SHISA9: variants seen among roughly 807,000 people sequenced by gnomAD.
The protein encoded by SHISA9 is shisa family member 9, also known as protein shisa-9.
A neutral mutation model predicts 38.0 loss-of-function variants in SHISA9; 13 were observed. The ratio of observed to expected loss-of-function variants is 0.34; its 90% CI spans 0.22 to 0.54. SHISA9 has a LOEUF of 0.54. Among genes scored for constraint, SHISA9 ranks in the 20% least tolerant of loss-of-function variants. SHISA9 has a pLI of 0.91. For missense variants in SHISA9, 538 were observed against 575.8 expected, an observed-to-expected ratio of 0.93 and a Z score of 0.67; for synonymous variants, 275 against 242.0, an observed-to-expected ratio of 1.14 and a Z score of -1.27.
rs1275517088 is a variant in SHISA9, at chr16:13,114,463, C to G, written c.692-88931C>G. Among the ~76,000 whole-genome samples, 16 of 96,408 alleles carry G rather than the reference C, an allele frequency of 1.7e-4. No homozygotes were observed. The East Asian group carries it at 5.3e-3, about 32-fold the overall frequency. The allele number at this position is 96,408 out of a possible 152,430, so 63.2% of individuals were successfully genotyped here. ...CCTGGGTGGCAGAGTGAGATTCCAT[C>G]TCAAAAAAAAAAAAAAAAAAAAAAA... is the stretch of plus-strand genomic sequence containing the variant. On this transcript the variant is annotated intron_variant, in intron 2 of 4. Transcript: ENST00000558583.
the SHISA9 span, among the ~76,000 whole-genome samples, chr16:13,490,947 G>T: frequency 6.6e-6 from 1 of 152,110 alleles, no homozygotes; most frequent in Admixed American, 6.5e-5. Context: ...TTTTCCTGTG[G>T]AAGCAGCCCT....
chr16:13,245,654 G>A, the SHISA9 span, among the ~76,000 whole-genome samples: 3 of 152,146 alleles, frequency 2.0e-5, no homozygotes, highest in African/African-American at 4.8e-5. Flanking sequence ...ATTGCACAAA[G>A]TAACCCAGGA....
chr16:13,281,022 A>G, the SHISA9 span, among the ~76,000 whole-genome samples: 5 of 151,970 alleles, frequency 3.3e-5, no homozygotes, highest in African/African-American at 1.2e-4. Flanking sequence ...TTTTATTTTT[A>G]AAATTACTTT....
the SHISA9 span, among the ~76,000 whole-genome samples, chr16:13,455,063 G>C: frequency 2.0e-5 from 3 of 151,694 alleles, no homozygotes; most frequent in Non-Finnish European, 4.4e-5. Context: ...TACTATTTTA[G>C]TTTATTCAAT....
At chr16:12,925,738 C>G (rs1237182077) in intron 2 of SHISA9, among the ~76,000 whole-genome samples, 1 of 152,124 alleles carries the variant, frequency 6.6e-6, no homozygotes, top group Non-Finnish European at 1.5e-5. Flanking sequence ...GGACACGTTT[C>G]TTTTCATAGA....
chr16:13,365,394 C>A, the SHISA9 span, among the ~76,000 whole-genome samples: 1 of 151,342 alleles, frequency 6.6e-6, no homozygotes, highest in Admixed American at 6.6e-5. Flanking sequence ...GTGTGCCAGG[C>A]ATCATGCTAA....
intron 2 of SHISA9, among the ~76,000 whole-genome samples, chr16:13,146,608 C>T (rs918215863): frequency 6.6e-6 from 1 of 152,164 alleles, no homozygotes; most frequent in Non-Finnish European, 1.5e-5. Context: ...TTAAAGCCAA[C>T]ATTTATTGAG....
intron 2 of SHISA9, among the ~76,000 whole-genome samples, chr16:12,935,149 C>G (rs528814768): frequency 6.6e-6 from 1 of 152,242 alleles, no homozygotes; most frequent in South Asian, 2.1e-4. Flanking sequence ...ACCAAAACTG[C>G]ACATAGTGAG....
chr16:12,955,450 C>A (rs576280901), intron 2 of SHISA9, among the ~76,000 whole-genome samples: 1 of 151,966 alleles, frequency 6.6e-6, no homozygotes, highest in African/African-American at 2.4e-5. Flanking sequence ...TAGAGACAAA[C>A]TCATGTCCCA....
chr16:13,503,974 C>T, the SHISA9 span, among the ~76,000 whole-genome samples: 1 of 152,132 alleles, frequency 6.6e-6, no homozygotes, highest in Non-Finnish European at 1.5e-5. Flanking sequence ...AGAAGGAAGG[C>T]TCCCCCTCAG....
At chr16:13,396,924 T>C in the SHISA9 span, among the ~76,000 whole-genome samples, 1 of 152,224 alleles carries the variant, frequency 6.6e-6, no homozygotes, top group East Asian at 1.9e-4. Context: ...ACTGCACAGA[T>C]CCACATATAT....
At chr16:13,542,089 G>T in the SHISA9 span, among the ~76,000 whole-genome samples, 1 of 152,218 alleles carries the variant, frequency 6.6e-6, no homozygotes, top group East Asian at 1.9e-4. Flanking sequence ...TGAAGATGGG[G>T]GCAGAGGTTG....
chr16:13,092,199 T>C (rs1448496733), intron 2 of SHISA9, among the ~76,000 whole-genome samples: 6 of 152,176 alleles, frequency 3.9e-5, no homozygotes, highest in Non-Finnish European at 5.9e-5. Context: ...GGAAGCTTCG[T>C]CCGAGAGGGG....
chr16:13,369,144 G>A, the SHISA9 span, among the ~76,000 whole-genome samples: 1 of 152,158 alleles, frequency 6.6e-6, no homozygotes, highest in African/African-American at 2.4e-5. Flanking sequence ...TGTGCTCAGT[G>A]TGATTCCATT....
At chr16:13,269,019 T>G in the SHISA9 span, among the ~76,000 whole-genome samples, 1 of 152,032 alleles carries the variant, frequency 6.6e-6, no homozygotes, top group Non-Finnish European at 1.5e-5. Flanking sequence ...AAAAAAATAA[T>G]GATAACATGT....
Position 13,142,492 on chromosome 16 carries a change from C to A in SHISA9, c.692-60902C>A, listed in dbSNP as rs543708090. On this transcript the variant is annotated intron_variant, in intron 2 of 4. Coordinates refer to ENST00000558583, the MANE Select transcript of SHISA9 (RefSeq NM_001145204.3). ...CTTCTGTGGCCAGCTGCAGTGGGAA[C>A]TATCTAAGTAAGTAAGAACCGGTAG... Among the ~76,000 whole-genome samples, 3 of 152,234 alleles carry A rather than the reference C, an allele frequency of 2.0e-5. No individual in the cohort carries two copies. The South Asian group carries it at 6.2e-4, about 32-fold the overall frequency.
intron 2 of SHISA9, among the ~76,000 whole-genome samples, chr16:13,116,494 G>C (rs1307978607): frequency 6.6e-6 from 1 of 152,184 alleles, no homozygotes; most frequent in Non-Finnish European, 1.5e-5. Context: ...GTGCAGCAGG[G>C]ATGTCTGTTA....
the SHISA9 span, among the ~76,000 whole-genome samples, chr16:13,537,024 C>T: frequency 7.9e-5 from 12 of 152,130 alleles, no homozygotes; most frequent in African/African-American, 2.7e-4. Flanking sequence ...TGTTTCATAA[C>T]TCTGACATAC....
rs2071015409 is a variant in SHISA9, at chr16:12,901,685, G to C, written c.-380G>C. 1 of 151,170 alleles carries C rather than the reference G, an allele frequency of 6.6e-6. No homozygotes were observed. Among genetic ancestry groups the C allele is most frequent in the South Asian group, 2.1e-4 (1 of 4,790 alleles). 9.4% of individuals were successfully genotyped at this position (151,170 alleles called of 1,614,324 possible). ...ACTGCGAGAGGGCTAGGGGCGGCCA[G>C]TCCGGGGCTGCCGGCCAAGGCTAGG... On this transcript the variant is annotated 5_prime_UTR_variant, in exon 1 of 5. Transcript: ENST00000558583.
Sources: gnomAD v4.1 joint callset for allele counts (sites outside exome capture counted in the v4.1 genomes callset) on GRCh38, gnomAD v4.1.1 for gene constraint, MANE v1.5 for transcripts, NCBI Gene and HGNC (gene_info 2026-07-23, HGNC 2026-07-21) for gene names.